MND1: variants seen among roughly 807,000 people sequenced by gnomAD.
The protein encoded by MND1 is meiotic nuclear divisions 1.
In MND1, 28 loss-of-function variants were observed where a neutral mutation model predicts 35.1. The ratio of observed to expected loss-of-function variants is 0.80; its 90% CI spans 0.59 to 1.09. The LOEUF is 1.09. MND1 is among the 50% of genes least tolerant of loss of function. The pLI is 0.00. For synonymous variants in MND1, 69 were observed against 70.5 expected (o/e 0.98, Z 0.11); for missense variants, 213 against 239.6 (o/e 0.89, Z 0.73).
At chr4:153,381,607 ATT>A (rs1728683875) in intron 4 of MND1, 1 of 132,036 alleles carries the variant, frequency 7.6e-6, no homozygotes, top group Admixed American at 8.7e-5. Flanking sequence ...TATTTCATAA[ATT>A]TTAAAATTTC....
chr4:153,386,191 G>A (rs1229830403), intron 4 of MND1, among the ~76,000 whole-genome samples: 1 of 149,106 alleles, frequency 6.7e-6, no homozygotes, highest in Admixed American at 6.7e-5. Context: ...TTTTGTTTTT[G>A]TTTTTTTTTA....
At chr4:153,381,736 C>T (rs2149646595) in intron 4 of MND1, 3 of 72,304 alleles carry the variant, frequency 4.1e-5, no homozygotes, top group East Asian at 5.3e-4. Context: ...GAGATAGAGT[C>T]TTGCTGTGTT....
intron 2 of MND1, among the ~76,000 whole-genome samples, chr4:153,351,969 A>G (rs1773226185): frequency 6.6e-6 from 1 of 152,190 alleles, no homozygotes; most frequent in Non-Finnish European, 1.5e-5. Context: ...TAGAAAATCA[A>G]CTAATGAAGC....
At chr4:153,396,575 A>G (rs1729202702) in intron 5 of MND1, among the ~76,000 whole-genome samples, 1 of 152,168 alleles carries the variant, frequency 6.6e-6, no homozygotes, top group Non-Finnish European at 1.5e-5. Flanking sequence ...CAGAAATACA[A>G]ATTGAATATG....
chr4:153,362,885 T>A, intron 4 of MND1: 1 of 481,774 alleles, frequency 2.1e-6, no homozygotes, highest in Non-Finnish European at 2.7e-6. Context: ...ATTTCTTGGC[T>A]TACAGTTCCA....
chr4:153,344,836 C>A, intron 1 of MND1, 96 bp downstream of exon 1: 2 of 1,527,510 alleles, frequency 1.3e-6, no homozygotes, highest in East Asian at 2.6e-5. Context: ...TGGCGTTGAC[C>A]GCCATTCCGG....
intron 4 of MND1, among the ~76,000 whole-genome samples, chr4:153,367,847 C>G (rs1281438906): frequency 6.6e-6 from 1 of 152,132 alleles, no homozygotes; most frequent in Non-Finnish European, 1.5e-5. Flanking sequence ...CTCCCAAAAC[C>G]TATTTGAATT....
intron 6 of MND1, among the ~76,000 whole-genome samples, chr4:153,402,815 C>G (rs889924248): frequency 6.6e-6 from 1 of 152,144 alleles, no homozygotes; most frequent in Admixed American, 6.6e-5. Flanking sequence ...CTCAGTTAAC[C>G]ATTGTTGATG....
chr4:153,353,404 C>A (rs1239698157), intron 2 of MND1, among the ~76,000 whole-genome samples: 8 of 81,972 alleles, frequency 9.8e-5, no homozygotes, highest in Non-Finnish European at 2.0e-4. Context: ...GACTTTATCA[C>A]ATATATATAT....
At chr4:153,407,870 G>C (rs1436183816) in intron 6 of MND1, among the ~76,000 whole-genome samples, 2 of 152,132 alleles carry the variant, frequency 1.3e-5, no homozygotes, top group African/African-American at 4.8e-5. Flanking sequence ...GGGGACGGAG[G>C]GAGAAGGAAT....
Position 153,406,080 on chromosome 4 carries a change from G to A in MND1, c.467-2891G>A, listed in dbSNP as rs377668932. ...CTCCCAAAGTGCTGGGATTACAGGC[G>A]TGAGCCACTGTGCCAGGCCGGATTT... On this transcript the variant is annotated intron_variant, in intron 6 of 7. Transcript: ENST00000240488. Among the ~76,000 whole-genome samples the A allele has an allele frequency of 2.4e-3, 363 of 152,216 alleles. 3 individuals carry two copies. Among genetic ancestry groups the A allele is most frequent in the African/African-American group, 8.1e-3 (336 of 41,564 alleles).
intron 4 of MND1, among the ~76,000 whole-genome samples, chr4:153,393,924 C>CTTTTTTTTTTTTTTTTTTT (rs36028750): frequency 1.8e-5 from 1 of 56,464 alleles, no homozygotes; most frequent in African/African-American, 7.1e-5. Flanking sequence ...ACTTTGTTTT[C>CTTTTTTTTTTTTTTTTTTT]TTTTTTTTTT....
chr4:153,363,065 T>C (rs1487846944), intron 4 of MND1: 3 of 960,082 alleles, frequency 3.1e-6, no homozygotes, highest in Non-Finnish European at 3.7e-6. Context: ...TGCTGGTACT[T>C]TGAGCTATAT....
Position 153,390,929 on chromosome 4 carries a change from GTGTGTGTGTGTGTA to G in MND1, c.277-3331_277-3318del, listed in dbSNP as rs1384031437. On this transcript the variant is annotated intron_variant, in intron 4 of 7. Coordinates refer to ENST00000240488, the MANE Select transcript of MND1 (RefSeq NM_032117.4). The stretch of plus-strand genomic sequence containing the variant: ...TGTGTGTGTGTGTATATGTGTGTGT[GTGTGTGTGTGTGTA>G]TATAAAATGTTCTTTAATTATTGGC... Among the ~76,000 whole-genome samples, 216 of 143,894 alleles carry G rather than the reference GTGTGTGTGTGTGTA, an allele frequency of 1.5e-3. 1 individual carries two copies. The Middle Eastern group carries it at 0.024, about 16-fold the overall frequency. 94.4% of individuals were successfully genotyped at this position (143,894 alleles called of 152,430 possible). A position where few individuals can be genotyped will look rare whatever the true frequency, so the allele number is the denominator to read the frequency against.
At chr4:153,393,781 A>T (rs183466129) in intron 4 of MND1, among the ~76,000 whole-genome samples, 16 of 151,722 alleles carry the variant, frequency 1.1e-4, no homozygotes, top group Non-Finnish European at 1.5e-4. Context: ...AAGGCATGCT[A>T]TTCGTTTTAT....
intron 4 of MND1, among the ~76,000 whole-genome samples, chr4:153,368,156 C>G (rs1217453547): frequency 6.6e-6 from 1 of 152,022 alleles, no homozygotes; most frequent in African/African-American, 2.4e-5. Context: ...CCTTACTGAA[C>G]TTCCCTGTCT....
At chr4:153,388,590 ATTTAC>A (rs377040115) in intron 4 of MND1, among the ~76,000 whole-genome samples, 89 of 152,224 alleles carry the variant, frequency 5.8e-4, no homozygotes, top group African/African-American at 2.0e-3. Context: ...AAAAATTATT[ATTTAC>A]TTTAGTGAAA....
intron 4 of MND1, among the ~76,000 whole-genome samples, chr4:153,377,982 T>C (rs548037089): frequency 2.6e-5 from 4 of 152,336 alleles, no homozygotes; most frequent in Non-Finnish European, 2.9e-5. Flanking sequence ...GTGAAGTCCT[T>C]ATGTGCCTTG....
chr4:153,406,360 A>G (rs1729509830), intron 6 of MND1, among the ~76,000 whole-genome samples: 1 of 152,048 alleles, frequency 6.6e-6, no homozygotes, highest in Non-Finnish European at 1.5e-5. Context: ...CATCTCTACT[A>G]AAAATACAAA....
Sources: gnomAD v4.1 joint callset for allele counts (sites outside exome capture counted in the v4.1 genomes callset) on GRCh38, gnomAD v4.1.1 for gene constraint, MANE v1.5 for transcripts, NCBI Gene and HGNC (gene_info 2026-07-23, HGNC 2026-07-21) for gene names.